The following PPFIBP1 variants were observed in gnomAD, a reference collection of about 807,000 sequenced individuals.
PPFIBP1 encodes the protein PPFIB scaffold protein 1, also known as liprin-beta-1.
A neutral mutation model predicts 137.8 loss-of-function variants in PPFIBP1; 112 were observed. The ratio of observed to expected loss-of-function variants is 0.81; its 90% CI spans 0.70 to 0.95. PPFIBP1 has a LOEUF of 0.95. PPFIBP1 is among the 40% of genes least tolerant of loss of function. The pLI is 0.00. For synonymous variants in PPFIBP1, 378 were observed against 417.3 expected (o/e 0.91, Z 1.15); for missense variants, 1,083 against 1,196.6 (o/e 0.91, Z 1.40).
intron 1 of PPFIBP1, among the ~76,000 whole-genome samples, chr12:27,577,708 T>C (rs2050690319): frequency 6.6e-6 from 1 of 152,238 alleles, no homozygotes; most frequent in South Asian, 2.1e-4. Context: ...TTTATACAAC[T>C]TGTTCCTGTT....
At chr12:27,563,225 A>C (rs944619555) in intron 1 of PPFIBP1, among the ~76,000 whole-genome samples, 3 of 139,112 alleles carry the variant, frequency 2.2e-5, no homozygotes, top group African/African-American at 8.0e-5. Flanking sequence ...GCGGATCACG[A>C]GGTCAAGAGA....
At chr12:27,635,375 A>G in intron 4 of PPFIBP1, 2 of 589,390 alleles carry the variant, frequency 3.4e-6, no homozygotes, top group African/African-American at 1.9e-5. Context: ...TTGTGCCTGA[A>G]TGACCTACTG....
intron 2 of PPFIBP1, among the ~76,000 whole-genome samples, chr12:27,618,047 A>G (rs2055953302): frequency 6.6e-6 from 1 of 152,210 alleles, no homozygotes; most frequent in Admixed American, 6.5e-5. Context: ...CTTTTATTGA[A>G]ATGAAAACAA....
intron 10 of PPFIBP1, 35 bp from the exon 11 acceptor site, chr12:27,660,849 A>G: frequency 6.2e-7 from 1 of 1,609,322 alleles, no homozygotes; most frequent in Non-Finnish European, 8.5e-7. Flanking sequence ...CACACATGTG[A>G]ACTGAACTGA....
chr12:27,602,691 T>C (rs1033578258), intron 2 of PPFIBP1, among the ~76,000 whole-genome samples: 3 of 152,234 alleles, frequency 2.0e-5, no homozygotes, highest in Non-Finnish European at 4.4e-5. Flanking sequence ...GAGATAAACA[T>C]GGTTGACTTG....
At chr12:27,677,432 C>CACTA (rs2060591286) in intron 19 of PPFIBP1, 2 of 333,656 alleles carry the variant, frequency 6.0e-6, no homozygotes, top group Non-Finnish European at 1.1e-5. Context: ...TATTACCACA[C>CACTA]ACTAACTCCC....
intron 2 of PPFIBP1, among the ~76,000 whole-genome samples, chr12:27,594,815 C>G (rs2052999756): frequency 1.3e-5 from 2 of 152,114 alleles, no homozygotes; most frequent in Non-Finnish European, 2.9e-5. Flanking sequence ...TATAAACACA[C>G]ACATATATAT....
At chr12:27,554,099 G>A (rs780999719) in intron 1 of PPFIBP1, among the ~76,000 whole-genome samples, 7 of 152,250 alleles carry the variant, frequency 4.6e-5, no homozygotes, top group Non-Finnish European at 8.8e-5. Flanking sequence ...TGTATATTAC[G>A]GTAAATGGCT....
chr12:27,592,522 C>A lies in PPFIBP1; in HGVS notation c.-36+14283C>A, dbSNP rs1484781455. 3.3e-6 allele frequency: 4 copies of A among 1,218,336 alleles called. No individual in the cohort carries two copies. In the East Asian group the frequency reaches 7.1e-5, roughly 22 times the overall value. The allele number at this position is 1,218,336 out of a possible 1,614,324, so 75.5% of individuals were successfully genotyped here. ...AATTCTCTTGCCTCTGTGAAAGAATCGTTTCCTTGGTGCTGGCTGACGGGG... is the reference window on the plus strand; with the variant it reads ...AATTCTCTTGCCTCTGTGAAAGAATAGTTTCCTTGGTGCTGGCTGACGGGG... On this transcript the variant is annotated intron_variant, in intron 2 of 29. Coordinates refer to ENST00000228425, the MANE Select transcript of PPFIBP1 (RefSeq NM_003622.4).
Position 27,688,629 on chromosome 12 carries a change from C to A in PPFIBP1, c.2496+206C>A, listed in dbSNP as rs184786745. On this transcript the variant is annotated intron_variant, in intron 26 of 29. Coordinates refer to ENST00000228425, the MANE Select transcript of PPFIBP1 (RefSeq NM_003622.4). ...TTTAAAGCCAGTTCTCTTTTATTGT[C>A]CTCTTTCATGTTGAATAACATGTAG... Among the ~76,000 whole-genome samples the A allele has an allele frequency of 1.6e-3, 245 of 152,196 alleles. 1 individual carries two copies. The highest frequency in any genetic ancestry group is 5.4e-3 in the African/African-American group (226 of 41,526).
At chr12:27,671,642 C>G (rs1037119353) in intron 14 of PPFIBP1, 96 bp downstream of exon 14, 34 of 721,326 alleles carry the variant, frequency 4.7e-5, no homozygotes, top group African/African-American at 4.2e-4. Context: ...ACAATTTTTA[C>G]CTAGAGAAGC....
chr12:27,620,130 T>C (rs936889283), intron 2 of PPFIBP1, among the ~76,000 whole-genome samples: 1 of 152,212 alleles, frequency 6.6e-6, no homozygotes, highest in South Asian at 2.1e-4. Context: ...CTGTTCTTGC[T>C]TCTACCTCTG....
intron 10 of PPFIBP1, 90 bp from the exon 11 acceptor site, chr12:27,660,794 C>T (rs2059498072): frequency 2.0e-6 from 3 of 1,505,550 alleles, no homozygotes; most frequent in Admixed American, 2.2e-5. Flanking sequence ...ACATCTTTAC[C>T]TTAAAATATT....
At chr12:27,638,255 G>T (rs748765518) in intron 4 of PPFIBP1, among the ~76,000 whole-genome samples, 1 of 152,108 alleles carries the variant, frequency 6.6e-6, no homozygotes, top group Non-Finnish European at 1.5e-5. Context: ...AAAATTGATA[G>T]CATCCTAGAA....
chr12:27,558,387 A>AT, intron 1 of PPFIBP1, among the ~76,000 whole-genome samples: 1 of 151,446 alleles, frequency 6.6e-6, no homozygotes, highest in Non-Finnish European at 1.5e-5. Flanking sequence ...GAAAGTGCTT[A>AT]TTTTCATTTT....
Position 27,598,821 on chromosome 12 carries a change from A to AT in PPFIBP1, c.-36+20589dup, listed in dbSNP as rs1452322316. On this transcript the variant is annotated intron_variant, in intron 2 of 29. Coordinates refer to ENST00000228425, the MANE Select transcript of PPFIBP1 (RefSeq NM_003622.4). Reference sequence around the variant, plus strand: ...CTCATTAACAATACGGCTCATGTTAATTTTTTTCTTAGGGCCTTAATTAGA... The same window carrying AT: ...CTCATTAACAATACGGCTCATGTTAATTTTTTTTCTTAGGGCCTTAATTAGA... 3.3e-5 allele frequency among the ~76,000 whole-genome samples: 5 copies of AT among 152,124 alleles called. 1 individual carries two copies. The highest frequency in any genetic ancestry group is 1.3e-4 in the Admixed American group (2 of 15,282).
At position 27,682,709 on chromosome 12, in the gene PPFIBP1, T is replaced by A; in HGVS notation, c.2247+6T>A. The A allele has an allele frequency of 6.2e-7, 1 of 1,614,082 alleles. No individual in the cohort carries two copies. Among genetic ancestry groups the A allele is most frequent in the Non-Finnish European group, 8.5e-7 (1 of 1,180,002 alleles). ...TGCTACATTACATGACTGTTGTAAG[T>A]GACTCACTCCTGGGGTTTGGGGGAG... On this transcript the variant is annotated splice_donor_region_variant and intron_variant, in intron 24 of 29. Coordinates refer to ENST00000228425, the MANE Select transcript of PPFIBP1 (RefSeq NM_003622.4).
intron 2 of PPFIBP1, chr12:27,592,778 A>G: frequency 1.3e-6 from 1 of 765,374 alleles, no homozygotes; most frequent in Non-Finnish European, 2.2e-6. Context: ...TATGTTAGGT[A>G]GGCGTAACCA....
chr12:27,682,321 G>T, intron 22 of PPFIBP1, 66 bp from the exon 23 acceptor site: 2 of 1,083,428 alleles, frequency 1.8e-6, no homozygotes, highest in Non-Finnish European at 2.8e-6. Context: ...GGAGAAATTT[G>T]CATCCTTTGC....
Sources: allele counts gnomAD v4.1 joint callset (sites outside exome capture counted in the v4.1 genomes callset), GRCh38; gene constraint gnomAD v4.1.1; transcripts MANE v1.5; gene names NCBI Gene and HGNC (gene_info 2026-07-23, HGNC 2026-07-21).